Variants in PTPN21 observed in about 807,000 individuals in gnomAD.
PTPN21 encodes the protein protein tyrosine phosphatase non-receptor type 21, also known as tyrosine-protein phosphatase non-receptor type 21.
In PTPN21, 77 loss-of-function variants were observed where a neutral mutation model predicts 131.8. That is an observed-to-expected ratio of 0.58 (90% confidence interval 0.49 to 0.71). The LOEUF (loss-of-function observed/expected upper bound fraction) is 0.71, where lower values mean the gene tolerates loss of function less well. Among genes scored for constraint, PTPN21 ranks in the 30% least tolerant of loss-of-function variants. PTPN21 has a pLI of 0.00. For missense variants in PTPN21, 1,552 were observed against 1,527.1 expected (o/e 1.02, Z -0.27); for synonymous variants, 715 against 621.3 (o/e 1.15, Z -2.24).
Position 88,466,113 on chromosome 14 carries a change from A to G in PTPN21, c.*2024T>C, listed in dbSNP as rs971801435. ...AAGAAGCACTTTTTCTAGAGATGGAAAATAGTTCCAGTAAAAAGTTCTTAT... is the reference window on the plus strand; with the variant it reads ...AAGAAGCACTTTTTCTAGAGATGGAGAATAGTTCCAGTAAAAAGTTCTTAT... On this transcript the variant is annotated 3_prime_UTR_variant, in exon 19 of 19. Transcript: ENST00000556564. 1 of 152,114 alleles carries G rather than the reference A, an allele frequency of 6.6e-6. No homozygotes were observed. Among genetic ancestry groups the G allele is most frequent in the Admixed American group, 6.5e-5 (1 of 15,274 alleles). The allele number at this position is 152,114 out of a possible 1,614,324, so 9.4% of individuals were successfully genotyped here.
chr14:88,504,378 C>T, intron 6 of PTPN21, 47 bp downstream of exon 6: 3 of 1,284,892 alleles, frequency 2.3e-6, no homozygotes, highest in Non-Finnish European at 3.4e-6. Context: ...CAAATTCAAG[C>T]AGACATTGGT....
intron 3 of PTPN21, among the ~76,000 whole-genome samples, chr14:88,511,317 C>T (rs138037045): frequency 1.3e-5 from 2 of 152,164 alleles, no homozygotes; most frequent in Admixed American, 6.5e-5. Context: ...ATTAAAAAAA[C>T]CTTTTTGCTA....
At chr14:88,510,352 C>T (rs10138309) in intron 3 of PTPN21, among the ~76,000 whole-genome samples, 51,986 of 152,042 alleles carry the variant, frequency 0.34, 9,359 homozygotes, top group African/African-American at 0.46. Context: ...CAGGCATAAT[C>T]GCACTCATTA....
Position 88,469,471 on chromosome 14 carries a change from T to C in PTPN21, c.3235+28A>G, listed in dbSNP as rs1456412873. 6.4e-7 allele frequency: 1 copy of C among 1,553,062 alleles called. No individual in the cohort carries two copies. Among genetic ancestry groups the C allele is most frequent in the Admixed American group, 1.7e-5 (1 of 59,930 alleles). Reference sequence around the variant, plus strand: ...TGTTTAACACCTCCAGAGGCAGCTGTCCTCGGAACAAAGTTAAAGTCACTC... The same window carrying C: ...TGTTTAACACCTCCAGAGGCAGCTGCCCTCGGAACAAAGTTAAAGTCACTC... On this transcript the variant is annotated intron_variant, in intron 17 of 18. Transcript: ENST00000556564. This position sits in a 1 kb window ranked among gnomAD's most constrained non-coding sequence, Gnocchi z 4.3.
In PTPN21 at chr14:88,535,585, T is replaced by C. The variant is rs141760334; in HGVS notation, c.180+14653A>G. ...TAAGTTCTAATCGTACTGATAATAC[T>C]GAAAAGCACTCTTACCTTTGTCATG... On this transcript the variant is annotated intron_variant, in intron 2 of 18. Transcript: ENST00000556564. Among the ~76,000 whole-genome samples the C allele has an allele frequency of 5.3e-3, 812 of 152,324 alleles. 9 individuals carry two copies. The highest frequency in any genetic ancestry group is 0.019 in the African/African-American group (774 of 41,560).
chr14:88,493,006 C>A, intron 10 of PTPN21: 1 of 434,134 alleles, frequency 2.3e-6, no homozygotes, highest in Non-Finnish European at 4.6e-6. Flanking sequence ...CAGGCAGGAA[C>A]TACTCTAACA....
Position 88,543,541 on chromosome 14 carries a change from T to C in PTPN21, c.180+6697A>G, listed in dbSNP as rs145139318. ...TCAATCTAAATTCAAAACTAAACTC[T>C]TAATTTTTAAACTAAGTAAACATTT... On this transcript the variant is annotated intron_variant, in intron 2 of 18. Coordinates refer to ENST00000556564, the MANE Select transcript of PTPN21 (RefSeq NM_007039.4). 3.7e-3 allele frequency among the ~76,000 whole-genome samples: 556 copies of C among 152,324 alleles called. 1 individual carries two copies. The highest frequency in any genetic ancestry group is 5.2e-3 in the Non-Finnish European group (357 of 68,030).
Position 88,500,801 on chromosome 14 carries a change from C to G in PTPN21, c.746G>C (p.Arg249Thr), listed in dbSNP as rs372387287. The G allele has an allele frequency of 6.2e-7, 1 of 1,612,430 alleles. No homozygotes were observed. The highest frequency in any genetic ancestry group is 1.3e-5 in the African/African-American group (1 of 74,988). The change falls in exon 8 of 19, where the codon AGG becomes ACG. Residue 249 changes from arginine to threonine, a missense_variant. By Grantham distance (71) the Arg-to-Thr change is moderately conservative. Around this residue, in one of 4 missense-constraint regions of PTPN21, gnomAD observed 1,016 missense variants for 883.5 expected, o/e 1.15. Coordinates refer to ENST00000556564, the MANE Select transcript of PTPN21 (RefSeq NM_007039.4). ...EGIFVKHKNG[R>T]HPVVFRWHDI... ...AAAATACCTAAATACCACAGGATGC[C>G]TTCCATTCTTGTGTTTCACAAAGAT...
At chr14:88,498,232 T>A (rs7160717) in intron 8 of PTPN21, among the ~76,000 whole-genome samples, 1 of 151,472 alleles carries the variant, frequency 6.6e-6, no homozygotes, top group African/African-American at 2.4e-5. Flanking sequence ...ACCAAGATTG[T>A]GCCACTGCAT....
intron 2 of PTPN21, 110 bp from the exon 3 acceptor site, chr14:88,517,371 C>T (rs565830503): frequency 3.3e-6 from 4 of 1,202,752 alleles, no homozygotes; most frequent in East Asian, 2.4e-5. Context: ...TCTCTTATTG[C>T]CTTTCTTCTC....
At chr14:88,509,976 C>T (rs2078151821) in intron 3 of PTPN21, among the ~76,000 whole-genome samples, 1 of 152,174 alleles carries the variant, frequency 6.6e-6, no homozygotes, top group African/African-American at 2.4e-5. Context: ...GCAGAGGTTG[C>T]AGTGAGCTAA....
chr14:88,486,083 C>T (rs145388184), intron 10 of PTPN21, among the ~76,000 whole-genome samples: 63 of 152,262 alleles, frequency 4.1e-4, no homozygotes, highest in African/African-American at 1.4e-3. Context: ...ACAGCATCAT[C>T]GCCTGGACCC....
At chr14:88,529,669 C>T (rs1237033447) in intron 2 of PTPN21, among the ~76,000 whole-genome samples, 1 of 152,072 alleles carries the variant, frequency 6.6e-6, no homozygotes, top group Non-Finnish European at 1.5e-5. Context: ...ATCAGATTAT[C>T]TAAAGTCAAG....
chr14:88,476,450 C>A (rs1343172050), intron 13 of PTPN21, among the ~76,000 whole-genome samples: 1 of 152,188 alleles, frequency 6.6e-6, no homozygotes, highest in African/African-American at 2.4e-5. Flanking sequence ...TGTCTGAGGT[C>A]ACATGGCTGC....
In PTPN21 at chr14:88,550,300, A is replaced by T; in HGVS notation, c.118T>A (p.Ser40Thr). Residue 40 changes from serine to threonine, a missense_variant, in exon 2 of 19, where the codon TCC becomes ACC. This residue lies in a region of PTPN21 where 206 missense variants were observed against 221.6 expected (regional missense o/e 0.93). Transcript: ENST00000556564. The part of the protein sequence containing the change: ...LNNEFVEFTL[S>T]VESTGQESLE... Reference sequence around the variant, plus strand: ...CTTTCCTGGCCAGTGCTCTCCACGGACAGGGTGAACTCCACAAACTCGTTA... The same window carrying T: ...CTTTCCTGGCCAGTGCTCTCCACGGTCAGGGTGAACTCCACAAACTCGTTA... 6.2e-7 allele frequency: 1 copy of T among 1,614,166 alleles called. No individual in the cohort carries two copies. Among genetic ancestry groups the T allele is most frequent in the Non-Finnish European group, 8.5e-7 (1 of 1,180,008 alleles).
chr14:88,537,171 T>C (rs1470252867), intron 2 of PTPN21, among the ~76,000 whole-genome samples: 1 of 152,182 alleles, frequency 6.6e-6, no homozygotes, highest in East Asian at 1.9e-4. Context: ...CATCTTGACC[T>C]TCTAAATTAT....
chr14:88,489,960 G>A (rs555797524), intron 10 of PTPN21, among the ~76,000 whole-genome samples: 1 of 152,080 alleles, frequency 6.6e-6, no homozygotes, highest in South Asian at 2.1e-4. Flanking sequence ...AAGGAATACT[G>A]ATGGAGGGAG....
chr14:88,534,701 C>G (rs998943915), intron 2 of PTPN21, among the ~76,000 whole-genome samples: 1 of 151,792 alleles, frequency 6.6e-6, no homozygotes, highest in Non-Finnish European at 1.5e-5. Flanking sequence ...TGTTGAAACC[C>G]CATTTCTACT....
chr14:88,544,821 T>TTCTTC (rs1286078728), intron 2 of PTPN21, among the ~76,000 whole-genome samples: 2 of 151,934 alleles, frequency 1.3e-5, no homozygotes, highest in Non-Finnish European at 1.5e-5. Context: ...AAATATGTAC[T>TTCTTC]TTTTCTTTTC....
Sources: gnomAD v4.1 joint callset for allele counts (sites outside exome capture counted in the v4.1 genomes callset) on GRCh38, gnomAD v4.1.1 for gene constraint, gnomAD v4.1.1 regional missense constraint, Gnocchi (gnomAD v3.1) non-coding constraint, MANE v1.5 for transcripts, NCBI Gene and HGNC (gene_info 2026-07-23, HGNC 2026-07-21) for gene names.